AOPEP: variants seen among roughly 807,000 people sequenced by gnomAD.
AOPEP encodes aminopeptidase O (putative).
In AOPEP, 77 loss-of-function variants were observed where a neutral mutation model predicts 98.1. The observed-to-expected ratio is 0.78, with a 90% CI of 0.65 to 0.95. The LOEUF is 0.95. Among genes scored for constraint, AOPEP ranks in the 40% least tolerant of loss-of-function variants. The probability of loss-of-function intolerance (pLI) is 0.00; values close to 1 mark genes in which losing one functional copy is unlikely to be tolerated. For synonymous variants in AOPEP, 346 were observed against 365.3 expected (o/e 0.95, Z 0.60); for missense variants, 1,024 against 1,024.7 (o/e 1.00, Z 0.01).
intron 5 of AOPEP, chr9:94,900,569 C>T (rs1397417076): frequency 6.6e-6 from 1 of 152,254 alleles, no homozygotes; most frequent in Non-Finnish European, 1.5e-5. Context: ...CCTGATTTAT[C>T]ACTGCCTCTG....
intron 1 of AOPEP, among the ~76,000 whole-genome samples, chr9:94,755,101 G>A (rs1299526535): frequency 1.3e-5 from 2 of 150,420 alleles, no homozygotes; most frequent in East Asian, 3.9e-4. Flanking sequence ...TTTTTTTTTA[G>A]CACACTTATT....
At chr9:94,830,051 T>C (rs1367241809) in intron 5 of AOPEP, among the ~76,000 whole-genome samples, 4 of 152,262 alleles carry the variant, frequency 2.6e-5, no homozygotes, top group Non-Finnish European at 5.9e-5. Flanking sequence ...ATTCAACTTT[T>C]AAGTTCTAGG....
intron 7 of AOPEP, among the ~76,000 whole-genome samples, chr9:94,940,586 T>TC (rs2056893606): frequency 6.6e-6 from 1 of 151,960 alleles, no homozygotes; most frequent in South Asian, 2.1e-4. Flanking sequence ...AAAGTGAGAC[T>TC]CCATCTCAAT....
chr9:94,797,074 G>C (rs1847110182), intron 4 of AOPEP, among the ~76,000 whole-genome samples: 1 of 152,326 alleles, frequency 6.6e-6, no homozygotes, highest in Non-Finnish European at 1.5e-5. Flanking sequence ...ATGAAAAGTT[G>C]CTTTGATAGG....
At chr9:94,906,589 G>A (rs111589396) in intron 5 of AOPEP, among the ~76,000 whole-genome samples, 4,885 of 152,100 alleles carry the variant, frequency 0.032, 201 homozygotes, top group African/African-American at 0.094. Context: ...GATTGCTTGA[G>A]CCCAGGAGTT....
At position 94,967,758 on chromosome 9, in the gene AOPEP, G is replaced by T; in HGVS notation, c.1873G>T (p.Asp625Tyr). Reference sequence around the variant, plus strand: ...AATGATTTGCTTTTTTTAATCCCAGGATTTCCTTCAAATGCTACTGGAGAA... The same window carrying T: ...AATGATTTGCTTTTTTTAATCCCAGTATTTCCTTCAAATGCTACTGGAGAA... ...TFHGQLILSQ[D>Y]FLQMLLENIP... The change falls in exon 10 of 17, where the codon GAT becomes TAT. Residue 625 changes from aspartate (D) to tyrosine (Y), a missense_variant and splice_region_variant. By Grantham distance (160) the Asp-to-Tyr change is radical. Transcript: ENST00000375315. 1 of 1,612,958 alleles carries T rather than the reference G, an allele frequency of 6.2e-7. No homozygotes were observed. The highest frequency in any genetic ancestry group is 8.5e-7 in the Non-Finnish European group (1 of 1,178,984).
At chr9:94,993,678 A>G (rs1372679695) in intron 11 of AOPEP, among the ~76,000 whole-genome samples, 1 of 152,184 alleles carries the variant, frequency 6.6e-6, no homozygotes, top group East Asian at 1.9e-4. Flanking sequence ...AACCGCACTG[A>G]GAGACGTAGA....
chr9:94,947,580 C>T (rs1346949647), intron 7 of AOPEP, among the ~76,000 whole-genome samples: 1 of 152,242 alleles, frequency 6.6e-6, no homozygotes, highest in Non-Finnish European at 1.5e-5. Flanking sequence ...TACACCTTGT[C>T]ATGGCAGTTC....
intron 5 of AOPEP, among the ~76,000 whole-genome samples, chr9:94,918,990 A>G (rs1471582327): frequency 6.6e-6 from 1 of 151,454 alleles, no homozygotes; most frequent in Non-Finnish European, 1.5e-5. Context: ...ATCTCGGCTC[A>G]CTGTAACCTC....
At chr9:94,911,680 TATAATAC>T (rs905517467) in intron 5 of AOPEP, among the ~76,000 whole-genome samples, 68 of 152,336 alleles carry the variant, frequency 4.5e-4, no homozygotes, top group African/African-American at 1.6e-3. Context: ...ATTTTAAATA[TATAATAC>T]ATAATTAGTG....
At chr9:95,123,145 A>T in the AOPEP span, among the ~76,000 whole-genome samples, 6 of 152,026 alleles carry the variant, frequency 3.9e-5, no homozygotes, top group East Asian at 3.9e-4. Flanking sequence ...ACAAAAAAAA[A>T]TTTAAAAATT....
At chr9:94,728,491 C>T (rs554764230) in intron 1 of AOPEP, among the ~76,000 whole-genome samples, 41 of 152,202 alleles carry the variant, frequency 2.7e-4, no homozygotes, top group Non-Finnish European at 5.7e-4. Flanking sequence ...TTTTTGACCT[C>T]ACTGTGCCCG....
intron 4 of AOPEP, among the ~76,000 whole-genome samples, chr9:94,793,406 G>C (rs1418963846): frequency 1.3e-5 from 2 of 151,810 alleles, no homozygotes; most frequent in Middle Eastern, 3.2e-3. Context: ...GAGGCTGGGC[G>C]TGGTGGCTCA....
chr9:95,017,245 A>G (rs991974385), intron 13 of AOPEP, among the ~76,000 whole-genome samples: 33 of 152,214 alleles, frequency 2.2e-4, no homozygotes, highest in African/African-American at 7.9e-4. Context: ...ACAGTCACAC[A>G]TCACTTAATT....
At chr9:95,094,355 A>G in the AOPEP span, among the ~76,000 whole-genome samples, 2 of 152,244 alleles carry the variant, frequency 1.3e-5, no homozygotes, top group African/African-American at 4.8e-5. Flanking sequence ...AAGATTGACC[A>G]GTATAACCAT....
At chr9:95,115,245 A>G in the AOPEP span, among the ~76,000 whole-genome samples, 1 of 152,238 alleles carries the variant, frequency 6.6e-6, no homozygotes, top group Non-Finnish European at 1.5e-5. Flanking sequence ...CTTGCCCTCA[A>G]GTAATTTTAA....
At chr9:95,111,600 T>C in the AOPEP span, 1 of 1,614,154 alleles carries the variant, frequency 6.2e-7, no homozygotes, top group Non-Finnish European at 8.5e-7. Context: ...CCGAAGTGAA[T>C]GAACAGGAAC....
intron 13 of AOPEP, among the ~76,000 whole-genome samples, chr9:95,032,834 A>C (rs1045971235): frequency 2.0e-5 from 3 of 152,190 alleles, no homozygotes; most frequent in African/African-American, 7.2e-5. Context: ...CAGTGATGTT[A>C]CAGGACGTGC....
At chr9:95,053,432 T>C (rs748345544) in intron 13 of AOPEP, among the ~76,000 whole-genome samples, 9 of 152,232 alleles carry the variant, frequency 5.9e-5, no homozygotes, top group Admixed American at 2.0e-4. Flanking sequence ...TCTCATTCTT[T>C]TTAATAGCTA....
Sources: allele counts gnomAD v4.1 joint callset (sites outside exome capture counted in the v4.1 genomes callset), GRCh38; gene constraint gnomAD v4.1.1; transcripts MANE v1.5; gene names NCBI Gene and HGNC (gene_info 2026-07-23, HGNC 2026-07-21).